SGCZ: variants seen among roughly 807,000 people sequenced by gnomAD.
The protein encoded by SGCZ is zeta-sarcoglycan.
In SGCZ, 40 loss-of-function variants were observed where a neutral mutation model predicts 41.3. The ratio of observed to expected loss-of-function variants is 0.97; its 90% confidence interval spans 0.75 to 1.26. The LOEUF (loss-of-function observed/expected upper bound fraction) is 1.26. SGCZ is among the 50% of genes most tolerant of loss of function. SGCZ has a pLI of 0.00. For missense variants in SGCZ, 552 were observed against 369.8 expected, an observed-to-expected ratio of 1.49 and a Z score of -4.04; for synonymous variants, 206 against 137.5, an observed-to-expected ratio of 1.50 and a Z score of -3.49.
intron 1 of SGCZ, among the ~76,000 whole-genome samples, chr8:14,677,047 T>C (rs1563196715): frequency 6.6e-6 from 1 of 152,018 alleles, no homozygotes; most frequent in East Asian, 1.9e-4. Flanking sequence ...GATGACATAA[T>C]TGTCTATGTA....
chr8:14,240,327 C>CAAAAAAA (rs59351247), intron 3 of SGCZ, among the ~76,000 whole-genome samples: 16 of 115,242 alleles, frequency 1.4e-4, no homozygotes, highest in South Asian at 2.8e-4. Context: ...AACTCTGTGT[C>CAAAAAAA]AAAAAAAAAA....
At chr8:14,942,564 A>G (rs1174400703) in intron 1 of SGCZ, among the ~76,000 whole-genome samples, 1 of 152,164 alleles carries the variant, frequency 6.6e-6, no homozygotes, top group Non-Finnish European at 1.5e-5. Flanking sequence ...AAATATTTGA[A>G]TATATCTAAG....
chr8:14,443,642 C>A (rs1450968613), intron 2 of SGCZ, among the ~76,000 whole-genome samples: 1 of 152,254 alleles, frequency 6.6e-6, no homozygotes, highest in African/African-American at 2.4e-5. Flanking sequence ...CTTCCTTACA[C>A]CTTATATAAA....
At chr8:14,093,819 T>C (rs1357341098) in intron 7 of SGCZ, among the ~76,000 whole-genome samples, 1 of 152,142 alleles carries the variant, frequency 6.6e-6, no homozygotes, top group Non-Finnish European at 1.5e-5. Context: ...TCTATTAAAA[T>C]AATGCTAATC....
At chr8:14,360,678 G>T (rs77159885) in intron 2 of SGCZ, among the ~76,000 whole-genome samples, 4,414 of 152,074 alleles carry the variant, frequency 0.029, 204 homozygotes, top group African/African-American at 0.099. Flanking sequence ...CCATGGTATG[G>T]ATGTTAAAAA....
At chr8:14,304,090 A>G (rs1428648275) in intron 3 of SGCZ, among the ~76,000 whole-genome samples, 1 of 152,096 alleles carries the variant, frequency 6.6e-6, no homozygotes, top group Non-Finnish European at 1.5e-5. Flanking sequence ...CATTTGTGAA[A>G]AAAGGAATGA....
At chr8:14,322,269 A>G (rs1247938770) in intron 3 of SGCZ, among the ~76,000 whole-genome samples, 3 of 152,128 alleles carry the variant, frequency 2.0e-5, no homozygotes, top group African/African-American at 4.8e-5. Flanking sequence ...GAGACAAACA[A>G]TAATGAAGGA....
At position 14,098,361 on chromosome 8, in the gene SGCZ, A is replaced by G. The variant is rs550546513; in HGVS notation, c.744+4015T>C. Among the ~76,000 whole-genome samples the G allele has an allele frequency of 2.5e-3, 382 of 152,240 alleles. 1 individual carries two copies. Among genetic ancestry groups the G allele is most frequent in the Non-Finnish European group, 2.6e-3 (174 of 68,026 alleles). ...AGTGCACAAAACTAAGCAAACAACA[A>G]CAAAAACCCAAGGCAATACATTTTG... is the stretch of plus-strand genomic sequence containing the variant. On this transcript the variant is annotated intron_variant, in intron 7 of 7. Transcript: ENST00000382080.
intron 1 of SGCZ, among the ~76,000 whole-genome samples, chr8:15,096,347 C>G (rs1439544582): frequency 6.6e-6 from 1 of 152,022 alleles, no homozygotes; most frequent in Non-Finnish European, 1.5e-5. Context: ...CTCCATCTCC[C>G]AAAGTGCTGA....
intron 6 of SGCZ, among the ~76,000 whole-genome samples, chr8:14,106,897 T>C (rs1802219916): frequency 6.6e-6 from 1 of 152,116 alleles, no homozygotes; most frequent in Non-Finnish European, 1.5e-5. Flanking sequence ...TATTAAACCA[T>C]AAGTAATCAC....
At chr8:15,152,603 C>T (rs1272776956) in intron 1 of SGCZ, among the ~76,000 whole-genome samples, 1 of 152,150 alleles carries the variant, frequency 6.6e-6, no homozygotes, top group East Asian at 1.9e-4. Context: ...TTGAGAAAAT[C>T]AGAAGGCACG....
At chr8:14,309,681 A>C in intron 3 of SGCZ, 2 of 1,610,118 alleles carry the variant, frequency 1.2e-6, no homozygotes, top group South Asian at 2.2e-5. Flanking sequence ...TTAAGAAGAC[A>C]CCTTCTGAGT....
intron 7 of SGCZ, among the ~76,000 whole-genome samples, chr8:14,100,191 C>A (rs925621427): frequency 4.6e-5 from 7 of 151,602 alleles, no homozygotes; most frequent in African/African-American, 7.2e-5. Context: ...TAAAAAAAAA[C>A]CACAGATGAA....
At chr8:14,595,732 A>G (rs924354066) in intron 1 of SGCZ, among the ~76,000 whole-genome samples, 18 of 152,194 alleles carry the variant, frequency 1.2e-4, no homozygotes, top group African/African-American at 4.1e-4. Flanking sequence ...AGGGAAAAAA[A>G]TAAATTAAAC....
intron 1 of SGCZ, among the ~76,000 whole-genome samples, chr8:14,680,974 A>AAAAAAAAAAAAAAC (rs1585178089): frequency 6.6e-6 from 1 of 150,912 alleles, no homozygotes; most frequent in African/African-American, 2.4e-5. Context: ...GAAAAAAAAA[A>AAAAAAAAAAAAAAC]AAAAAAACAG....
intron 2 of SGCZ, among the ~76,000 whole-genome samples, chr8:14,379,893 G>A (rs538525586): frequency 1.9e-4 from 29 of 151,968 alleles, no homozygotes; most frequent in African/African-American, 6.8e-4. Context: ...CACCACGCCC[G>A]CCTACTTTTT....
In SGCZ at chr8:14,220,816, G is replaced by A. The variant is rs949579830; in HGVS notation, c.424+16776C>T. Among the ~76,000 whole-genome samples, 44 of 96,872 alleles carry A rather than the reference G, an allele frequency of 4.5e-4. 1 individual carries two copies. The highest frequency in any genetic ancestry group is 2.1e-3 in the Admixed American group (20 of 9,656). 63.6% of individuals were successfully genotyped at this position (96,872 alleles called of 152,430 possible). On this transcript the variant is annotated intron_variant, in intron 4 of 7. Transcript: ENST00000382080. ...AAACAAACAAACAAACAAAATAATCGGACCTTAAAAAAAGATTGTAGCCAC... is the reference window on the plus strand; with the variant it reads ...AAACAAACAAACAAACAAAATAATCAGACCTTAAAAAAAGATTGTAGCCAC...
At chr8:14,474,387 A>G (rs1370106061) in intron 2 of SGCZ, among the ~76,000 whole-genome samples, 1 of 152,236 alleles carries the variant, frequency 6.6e-6, no homozygotes, top group Non-Finnish European at 1.5e-5. Flanking sequence ...ACAGAAACAC[A>G]CACACATATA....
chr8:14,486,044 T>A (rs1343648412), intron 2 of SGCZ, among the ~76,000 whole-genome samples: 1 of 152,042 alleles, frequency 6.6e-6, no homozygotes, highest in Admixed American at 6.6e-5. Flanking sequence ...GGTAGAACAA[T>A]TTTTTTAGAT....
Sources: gnomAD v4.1 joint callset for allele counts (sites outside exome capture counted in the v4.1 genomes callset) on GRCh38, gnomAD v4.1.1 for gene constraint, MANE v1.5 for transcripts, NCBI Gene and HGNC (gene_info 2026-07-23, HGNC 2026-07-21) for gene names.